NOL4: variants seen among roughly 807,000 people sequenced by gnomAD.
NOL4 encodes the protein nucleolar protein 4.
A neutral mutation model predicts 75.9 loss-of-function variants in NOL4; 17 were observed. The ratio of observed to expected loss-of-function variants is 0.22; its 90% CI spans 0.15 to 0.34. The LOEUF is 0.34. Among genes scored for constraint, NOL4 ranks in the 10% least tolerant of loss-of-function variants. The probability of loss-of-function intolerance (pLI) is 1.00; values close to 1 mark genes in which losing one functional copy is unlikely to be tolerated. For synonymous variants in NOL4, 292 were observed against 289.9 expected (o/e 1.01, Z -0.07); for missense variants, 614 against 793.5 (o/e 0.77, Z 2.72).
chr18:34,095,535 A>G (rs749341530), intron 4 of NOL4, among the ~76,000 whole-genome samples: 7 of 152,124 alleles, frequency 4.6e-5, no homozygotes, highest in Non-Finnish European at 8.8e-5. Context: ...ACCTTAAGCA[A>G]GTTACCTCAA....
intron 2 of NOL4, chr18:34,128,903 G>T: frequency 5.2e-6 from 5 of 958,812 alleles, no homozygotes; most frequent in Non-Finnish European, 6.2e-6. Context: ...AAAAAAAAAT[G>T]GATCCAGACT....
intron 2 of NOL4, among the ~76,000 whole-genome samples, chr18:34,113,301 T>C (rs1378632114): frequency 6.6e-6 from 1 of 152,166 alleles, no homozygotes; most frequent in African/African-American, 2.4e-5. Context: ...TTACCAAGTA[T>C]GCCTCAATAA....
rs941583246 is a variant in NOL4, at chr18:33,851,806, A to G, written c.*1036T>C. On this transcript the variant is annotated 3_prime_UTR_variant, in exon 11 of 11. Transcript: ENST00000261592. ...GCTAGAACTGAAAATTATACAAATC[A>G]TATCAGGAGATGTAATGGTCTTTTT... is the stretch of plus-strand genomic sequence containing the variant. The G allele has an allele frequency of 1.6e-4, 25 of 152,488 alleles. No homozygotes were observed. Among genetic ancestry groups the G allele is most frequent in the Admixed American group, 1.5e-3 (23 of 15,242 alleles). 9.4% of individuals were successfully genotyped at this position (152,488 alleles called of 1,614,324 possible). A position where few individuals can be genotyped will look rare whatever the true frequency, so the allele number is the denominator to read the frequency against.
intron 1 of NOL4, among the ~76,000 whole-genome samples, chr18:34,209,209 A>G (rs2036339992): frequency 6.6e-6 from 1 of 151,790 alleles, no homozygotes; most frequent in African/African-American, 2.4e-5. Context: ...AAAAAAAAAA[A>G]AAAAAGAAAT....
chr18:33,931,070 A>T (rs2067658348), intron 9 of NOL4, among the ~76,000 whole-genome samples: 3 of 152,154 alleles, frequency 2.0e-5, no homozygotes. Context: ...ACAGGAAAGG[A>T]AGAAAGGAAG....
chr18:33,872,384 G>T (rs1343162256), intron 10 of NOL4, among the ~76,000 whole-genome samples: 1 of 151,978 alleles, frequency 6.6e-6, no homozygotes, highest in Non-Finnish European at 1.5e-5. Flanking sequence ...TTATTTAAAA[G>T]CCAGGCAGTT....
At chr18:34,199,643 A>G (rs1200218615) in intron 1 of NOL4, among the ~76,000 whole-genome samples, 1 of 151,854 alleles carries the variant, frequency 6.6e-6, no homozygotes, top group Non-Finnish European at 1.5e-5. Context: ...TAAACCTATT[A>G]TTCTATCATG....
At chr18:33,928,517 T>C (rs2067481849) in intron 9 of NOL4, among the ~76,000 whole-genome samples, 1 of 152,232 alleles carries the variant, frequency 6.6e-6, no homozygotes, top group African/African-American at 2.4e-5. Flanking sequence ...ATAAAGTTTC[T>C]CAGCTTCAGA....
chr18:33,957,503 C>G lies in NOL4; in HGVS notation c.1251G>C (p.Leu417=). 1.2e-6 allele frequency: 2 copies of G among 1,612,884 alleles called. No homozygotes were observed. Residue 417 remains leucine (L), a synonymous_variant, in exon 8 of 11, where the codon CTG becomes CTC. Transcript: ENST00000261592. Reference sequence around the variant, plus strand: ...TTCGGTCCAAGTTTTCATCTACAAACAGCCTGACAAACATCTGTTGGCAAG... The same window carrying G: ...TTCGGTCCAAGTTTTCATCTACAAAGAGCCTGACAAACATCTGTTGGCAAG... The part of the protein sequence containing the change: ...RLKAFNMFVR[L]FVDENLDRMV...
At chr18:34,025,711 C>A (rs539321812) in intron 5 of NOL4, among the ~76,000 whole-genome samples, 121 of 152,230 alleles carry the variant, frequency 7.9e-4, no homozygotes, top group African/African-American at 2.8e-3. Context: ...AACCTTTTAT[C>A]TCTAATTGCA....
intron 1 of NOL4, among the ~76,000 whole-genome samples, chr18:34,203,717 T>TCTCTCTCTCTCACACACA (rs1261546835): frequency 1.4e-4 from 10 of 72,304 alleles, no homozygotes; most frequent in African/African-American, 3.5e-4. Flanking sequence ...TCTCTCTCTC[T>TCTCTCTCTCTCACACACA]CACACACACA....
intron 1 of NOL4, among the ~76,000 whole-genome samples, chr18:34,149,616 C>A (rs1311499443): frequency 1.3e-5 from 2 of 151,550 alleles, no homozygotes; most frequent in Admixed American, 6.6e-5. Flanking sequence ...TATCATCATA[C>A]CCTATGTTTT....
At chr18:34,152,957 A>G (rs1600735673) in intron 1 of NOL4, among the ~76,000 whole-genome samples, 1 of 151,948 alleles carries the variant, frequency 6.6e-6, no homozygotes, top group East Asian at 1.9e-4. Flanking sequence ...TAGATAAGTC[A>G]TATTCTTAAG....
At chr18:33,943,416 T>C (rs2068629361) in intron 8 of NOL4, among the ~76,000 whole-genome samples, 1 of 151,856 alleles carries the variant, frequency 6.6e-6, no homozygotes, top group South Asian at 2.1e-4. Flanking sequence ...ATAGATCCAT[T>C]GTCACAAGTA....
intron 2 of NOL4, among the ~76,000 whole-genome samples, chr18:34,110,348 G>A (rs2079532256): frequency 2.0e-5 from 3 of 151,936 alleles, no homozygotes; most frequent in Admixed American, 2.0e-4. Flanking sequence ...AGTCAAGTGG[G>A]TTTTATCACT....
intron 1 of NOL4, among the ~76,000 whole-genome samples, chr18:34,152,969 A>T (rs1350194256): frequency 2.6e-5 from 4 of 151,960 alleles, no homozygotes; most frequent in African/African-American, 9.7e-5. Context: ...ATTCTTAAGT[A>T]ATCAATAGTC....
At chr18:33,883,034 T>C (rs1296791212) in intron 10 of NOL4, among the ~76,000 whole-genome samples, 2 of 151,698 alleles carry the variant, frequency 1.3e-5, no homozygotes, top group Non-Finnish European at 1.5e-5. Flanking sequence ...GGAAGGGGAA[T>C]ATCACACTCT....
At chr18:34,157,295 A>C (rs879272261) in intron 1 of NOL4, 7 of 152,230 alleles carry the variant, frequency 4.6e-5, no homozygotes, top group African/African-American at 7.2e-5. Context: ...GCCAGTAAGA[A>C]AATTTCATTA....
At chr18:34,075,583 T>A (rs2145320169) in intron 5 of NOL4, among the ~76,000 whole-genome samples, 1 of 152,310 alleles carries the variant, frequency 6.6e-6, no homozygotes, top group Admixed American at 6.5e-5. Flanking sequence ...GGATTAGGAA[T>A]GTTCAACCTA....
Sources: gnomAD v4.1 joint callset for allele counts (sites outside exome capture counted in the v4.1 genomes callset) on GRCh38, gnomAD v4.1.1 for gene constraint, MANE v1.5 for transcripts, NCBI Gene and HGNC (gene_info 2026-07-23, HGNC 2026-07-21) for gene names.